Variants in ANKRD13C observed in about 807,000 individuals in gnomAD.
ANKRD13C encodes the protein ankyrin repeat domain-containing protein 13C.
In ANKRD13C, 16 loss-of-function variants were observed where a neutral mutation model predicts 65.5. The observed-to-expected ratio is 0.24, with a 90% CI of 0.17 to 0.37. The LOEUF (loss-of-function observed/expected upper bound fraction) is 0.37, where lower values mean the gene tolerates loss of function less well. ANKRD13C is among the 10% of genes least tolerant of loss of function. The pLI, the probability that ANKRD13C is intolerant of heterozygous loss-of-function variation, is 1.00. For synonymous variants in ANKRD13C, 235 were observed against 238.7 expected (o/e 0.98, Z 0.14); for missense variants, 503 against 655.9 (o/e 0.77, Z 2.55).
chr1:70,344,607 T>G (rs1682451519), intron 1 of ANKRD13C, among the ~76,000 whole-genome samples: 1 of 152,172 alleles, frequency 6.6e-6, no homozygotes, highest in African/African-American at 2.4e-5. Flanking sequence ...ACAAATATTA[T>G]TCCTATTTCT....
chr1:70,301,379 T>C (rs544142773), intron 6 of ANKRD13C, among the ~76,000 whole-genome samples: 1 of 152,288 alleles, frequency 6.6e-6, no homozygotes, highest in Admixed American at 6.5e-5. Flanking sequence ...TCTGACATTA[T>C]TCGATCCCTT....
chr1:70,261,962 A>AAAAAATAGAGGTTCTATGAAAGGAAG lies in ANKRD13C; in HGVS notation c.*729_*754dup, dbSNP rs1352709279. 1.3e-5 allele frequency: 2 copies of AAAAAATAGAGGTTCTATGAAAGGAAG among 152,548 alleles called. No homozygotes were observed. The highest frequency in any genetic ancestry group is 1.5e-5 in the Non-Finnish European group (1 of 67,972). 9.4% of individuals were successfully genotyped at this position (152,548 alleles called of 1,614,324 possible). On this transcript the variant is annotated 3_prime_UTR_variant, in exon 13 of 13. Transcript: ENST00000370944. ...GACTCAAACTCAAGTTTAGAAAAAA[A>AAAAAATAGAGGTTCTATGAAAGGAAG]AAAAATAGAGGTTCTATGAAAGGAA...
intron 9 of ANKRD13C, among the ~76,000 whole-genome samples, chr1:70,285,150 C>T (rs2101200173): frequency 6.7e-6 from 1 of 149,428 alleles, no homozygotes; most frequent in Non-Finnish European, 1.5e-5. Flanking sequence ...CAGCTGTGAC[C>T]TTGAAAGCAT....
intron 6 of ANKRD13C, chr1:70,305,973 A>T (rs1418554564): frequency 4.8e-6 from 1 of 208,904 alleles, no homozygotes. Flanking sequence ...GTTAAATAAG[A>T]ATAATATCTT....
rs72929291 is a variant in ANKRD13C, at chr1:70,332,186, A to G, written c.472+3872T>C. Among the ~76,000 whole-genome samples, 813 of 152,330 alleles carry G rather than the reference A, an allele frequency of 5.3e-3. 10 individuals carry two copies. Among genetic ancestry groups the G allele is most frequent in the African/African-American group, 0.019 (783 of 41,566 alleles). On this transcript the variant is annotated intron_variant, in intron 2 of 12. Transcript: ENST00000370944. ...AACTGTAATCTGTCAAGATACTTGT[A>G]AAAAAGAGCAAACATCAAATAACTG... is the stretch of plus-strand genomic sequence containing the variant.
chr1:70,325,409 T>C (rs1355073474), intron 2 of ANKRD13C, among the ~76,000 whole-genome samples: 6 of 152,196 alleles, frequency 3.9e-5, no homozygotes, highest in African/African-American at 1.4e-4. Context: ...CAGTAATGTT[T>C]CCAAAACACA....
chr1:70,336,178 C>A lies in ANKRD13C; in HGVS notation c.431-79G>T, dbSNP rs1004212301. On this transcript the variant is annotated intron_variant, in intron 1 of 12. Coordinates refer to ENST00000370944, the MANE Select transcript of ANKRD13C (RefSeq NM_030816.5). ...ATTTACTTAAAAGTGGTTTCAGCTC[C>A]TTCAGAAATTTCACTGGCAGATTTT... The A allele has an allele frequency of 9.0e-6, 3 of 332,004 alleles. No homozygotes were observed. In the Admixed American group the frequency reaches 1.6e-4, roughly 18 times the overall value. 20.6% of individuals were successfully genotyped at this position (332,004 alleles called of 1,614,324 possible).
Position 70,274,728 on chromosome 1 carries a change from C to T in ANKRD13C, c.1386G>A (p.Gly462=), listed in dbSNP as rs150834714. The stretch of plus-strand genomic sequence containing the variant: ...GTTAGTAACAAACTTACAACTCTAT[C>T]CCTAAGGGAAATTCCTGGCTCATGG... The part of the protein sequence containing the change: ...TIAMSQEFPL[G]IELLLNVLEV... Residue 462 remains glycine (G), a synonymous_variant, in exon 11 of 13, where the codon GGG becomes GGA. Transcript: ENST00000370944. 1.9e-4 allele frequency: 311 copies of T among 1,609,858 alleles called. 1 individual carries two copies. In the African/African-American group the frequency reaches 3.5e-3, roughly 18 times the overall value.
chr1:70,332,772 C>A (rs1422641877), intron 2 of ANKRD13C, among the ~76,000 whole-genome samples: 1 of 152,064 alleles, frequency 6.6e-6, no homozygotes, highest in African/African-American at 2.4e-5. Flanking sequence ...GGCTGAAATA[C>A]ATTTTAAAAC....
intron 4 of ANKRD13C, among the ~76,000 whole-genome samples, chr1:70,314,143 TAGAAAA>T (rs1288862712): frequency 6.6e-6 from 1 of 151,948 alleles, no homozygotes; most frequent in African/African-American, 2.4e-5. Flanking sequence ...CCCATTGTAA[TAGAAAA>T]TATTTTTCTG....
intron 12 of ANKRD13C, among the ~76,000 whole-genome samples, 184 bp from the exon 13 acceptor site, chr1:70,263,031 G>T (rs1210087816): frequency 6.6e-6 from 1 of 151,472 alleles, no homozygotes; most frequent in Non-Finnish European, 1.5e-5. Context: ...TCTGGGTATT[G>T]ATTAGTGAGG....
chr1:70,343,830 A>G (rs1253951699), intron 1 of ANKRD13C, among the ~76,000 whole-genome samples: 1 of 152,138 alleles, frequency 6.6e-6, no homozygotes, highest in East Asian at 1.9e-4. Context: ...GAGCCACCGC[A>G]CCAGGCTAAC....
chr1:70,300,752 C>T lies in ANKRD13C; in HGVS notation c.921+12G>A, dbSNP rs1360377633. 6.3e-7 allele frequency: 1 copy of T among 1,578,576 alleles called. No individual in the cohort carries two copies. Among genetic ancestry groups the T allele is most frequent in the South Asian group, 1.2e-5 (1 of 84,726 alleles). On this transcript the variant is annotated intron_variant, in intron 7 of 12. Coordinates refer to ENST00000370944, the MANE Select transcript of ANKRD13C (RefSeq NM_030816.5). ...ATGATTTAAAGGAATATTGATAAGA[C>T]AACATGCTCACCTCATGATGTATTC...
intron 9 of ANKRD13C, among the ~76,000 whole-genome samples, chr1:70,287,277 G>A (rs905638127): frequency 2.6e-5 from 4 of 151,836 alleles, no homozygotes; most frequent in South Asian, 4.1e-4. Context: ...AAGTCTCACC[G>A]AATTGATCTA....
chr1:70,320,193 G>C (rs181975156), intron 3 of ANKRD13C, among the ~76,000 whole-genome samples: 16 of 152,336 alleles, frequency 1.1e-4, no homozygotes, highest in African/African-American at 3.1e-4. Flanking sequence ...GGAAGTGATA[G>C]TATCATACTG....
rs549644649 is a variant in ANKRD13C, at chr1:70,325,152, G to A, written c.473-195C>T. ...AATTTCAGATCCCTAGATTTAAAAA[G>A]TATCCATTCTACTGCCTAAAAATAA... is the stretch of plus-strand genomic sequence containing the variant. On this transcript the variant is annotated intron_variant, in intron 2 of 12. Coordinates refer to ENST00000370944, the MANE Select transcript of ANKRD13C (RefSeq NM_030816.5). 2.0e-5 allele frequency among the ~76,000 whole-genome samples: 3 copies of A among 152,234 alleles called. No individual in the cohort carries two copies. The South Asian group carries it at 6.2e-4, about 32-fold the overall frequency.
chr1:70,292,268 G>A, intron 9 of ANKRD13C, 120 bp downstream of exon 9: 1 of 678,898 alleles, frequency 1.5e-6, no homozygotes, highest in East Asian at 3.4e-5. Flanking sequence ...CACAGAAAAA[G>A]GTAACACACA....
At chr1:70,294,269 A>G (rs1248508904) in intron 8 of ANKRD13C, among the ~76,000 whole-genome samples, 1 of 152,214 alleles carries the variant, frequency 6.6e-6, no homozygotes, top group Non-Finnish European at 1.5e-5. Context: ...GGAGGATATA[A>G]AAACTGGTGA....
chr1:70,271,105 T>A (rs921714253), intron 11 of ANKRD13C, 149 bp from the exon 12 acceptor site: 9 of 557,482 alleles, frequency 1.6e-5, no homozygotes, highest in Non-Finnish European at 2.9e-5. Context: ...CCTCCTAACT[T>A]TTTACTCTAT....
Sources: gnomAD v4.1 joint callset for allele counts (sites outside exome capture counted in the v4.1 genomes callset) on GRCh38, gnomAD v4.1.1 for gene constraint, MANE v1.5 for transcripts, NCBI Gene and HGNC (gene_info 2026-07-23, HGNC 2026-07-21) for gene names.